The following IKBKE variants were observed in gnomAD, a reference collection of about 807,000 sequenced individuals.
The protein encoded by IKBKE is inhibitor of nuclear factor kappa B kinase subunit epsilon, also known as inhibitor of nuclear factor kappa-B kinase subunit epsilon.
IKBKE carries 45 observed loss-of-function variants against 92.1 expected under a neutral mutation model. That is an observed-to-expected ratio of 0.49 (90% CI 0.38 to 0.63). The LOEUF (loss-of-function observed/expected upper bound fraction) is 0.63, where lower values mean the gene tolerates loss of function less well. Among genes scored for constraint, IKBKE ranks in the 20% least tolerant of loss-of-function variants. The pLI is 0.00. For missense variants in IKBKE, 700 were observed against 932.8 expected, an observed-to-expected ratio of 0.75 and a Z score of 3.25; for synonymous variants, 374 against 380.3, an observed-to-expected ratio of 0.98 and a Z score of 0.19.
rs781854643 is a variant in IKBKE, at chr1:206,474,809, G to C, written c.229-56G>C. On this transcript the variant is annotated intron_variant, in intron 4 of 21. Transcript: ENST00000581977. ...GCTCCAGGCTGAGCCACTTCTTCCTGGTGGGTGGGGAGGAGAAGTGCCGTC... is the reference window on the plus strand; with the variant it reads ...GCTCCAGGCTGAGCCACTTCTTCCTCGTGGGTGGGGAGGAGAAGTGCCGTC... 32 of 1,593,260 alleles carry C rather than the reference G, an allele frequency of 2.0e-5. No homozygotes were observed. In the African/African-American group the frequency reaches 4.2e-4, roughly 21 times the overall value.
intron 13 of IKBKE, among the ~76,000 whole-genome samples, chr1:206,482,950 C>T (rs10863389): frequency 0.48 from 73,167 of 152,132 alleles, 19,739 homozygotes; most frequent in African/African-American, 0.72. Context: ...TCCTGGTGAC[C>T]CACCTCTCCC....
At position 206,491,732 on chromosome 1, in the gene IKBKE, A is replaced by T. The variant is rs1433462754; in HGVS notation, c.1818A>T (p.Thr606=). The part of the protein sequence containing the change: ...CVQKYQASLV[T]HGKRMRVVHE... ...AGAAGTATCAAGCGTCCTTAGTCAC[A>T]CACGGCAAGAGGATGAGGTAACAGC... Residue 606 remains threonine, a synonymous_variant, in exon 18 of 22, where the codon ACA becomes ACT. Coordinates refer to ENST00000581977, the MANE Select transcript of IKBKE (RefSeq NM_014002.4). 6.2e-7 allele frequency: 1 copy of T among 1,612,798 alleles called. No homozygotes were observed. The highest frequency in any genetic ancestry group is 8.5e-7 in the Non-Finnish European group (1 of 1,179,118).
rs1553383794 is a variant in IKBKE at position 206,471,256 on chromosome 1, T to C, written c.-33+11T>C. ...AGCTCAGAGTGTGGGGTAAGTGCAC[T>C]TGGCCACAGCAGAGCCCTGAGGAGG... On this transcript the variant is annotated intron_variant, in intron 2 of 21. Coordinates refer to ENST00000581977, the MANE Select transcript of IKBKE (RefSeq NM_014002.4). 6.6e-6 allele frequency: 1 copy of C among 152,304 alleles called. No homozygotes were observed. Among genetic ancestry groups the C allele is most frequent in the Non-Finnish European group, 1.5e-5 (1 of 68,140 alleles). The allele number at this position is 152,304 out of a possible 1,614,324, so 9.4% of individuals were successfully genotyped here. A position where few individuals can be genotyped will look rare whatever the true frequency, so the allele number is the denominator to read the frequency against.
Position 206,478,130 on chromosome 1 carries a change from C to A in IKBKE, c.813-30C>A, listed in dbSNP as rs782333336. ...AGGAGGATAGGTCTGGGCCCCCACCCCTGACAGTCTCCATGTCCTGGGAGG... is the reference window on the plus strand; with the variant it reads ...AGGAGGATAGGTCTGGGCCCCCACCACTGACAGTCTCCATGTCCTGGGAGG... On this transcript the variant is annotated intron_variant, in intron 8 of 21. Transcript: ENST00000581977. The surrounding 1 kb of genome is among the most constrained non-coding windows in gnomAD (Gnocchi z 4.8). The A allele has an allele frequency of 3.1e-6, 5 of 1,606,236 alleles. No homozygotes were observed. Among genetic ancestry groups the A allele is most frequent in the East Asian group, 4.5e-5 (2 of 44,848 alleles).
chr1:206,486,447 C>T (rs60315588), intron 15 of IKBKE, among the ~76,000 whole-genome samples: 1,633 of 136,998 alleles, frequency 0.012, 36 homozygotes, highest in African/African-American at 0.039. Flanking sequence ...ATGAAGGCTG[C>T]GGATCCCAGG....
At position 206,476,815 on chromosome 1, in the gene IKBKE, G is replaced by A. The variant is rs1665090029; in HGVS notation, c.678G>A (p.Gly226=). 4 of 1,614,236 alleles carry A rather than the reference G, an allele frequency of 2.5e-6. No homozygotes were observed. The highest frequency in any genetic ancestry group is 2.2e-5 in the East Asian group (1 of 44,874). Residue 226 remains glycine, a synonymous_variant, in exon 7 of 22, where the codon GGG becomes GGA. Coordinates refer to ENST00000581977, the MANE Select transcript of IKBKE (RefSeq NM_014002.4). The surrounding 1 kb of genome is among the most constrained non-coding windows in gnomAD (Gnocchi z 5.1). ...TGSLPFIPFG[G]PRRNKEIMYR... is the part of the protein sequence containing the mutation. ...GCCTGCCCTTCATCCCCTTTGGTGG[G>A]CCACGGCGGAACAAGGAGATCATGT...
intron 2 of IKBKE, chr1:206,472,717 T>G (rs1367157594): frequency 1.2e-4 from 22 of 178,556 alleles, no homozygotes; most frequent in South Asian, 3.3e-4. Flanking sequence ...GCTGGGGGAG[T>G]GGCTCTGGAC....
chr1:206,494,685 C>A lies in IKBKE; in HGVS notation c.2117+694C>A, dbSNP rs376593753. On this transcript the variant is annotated intron_variant, in intron 21 of 21. Coordinates refer to ENST00000581977, the MANE Select transcript of IKBKE (RefSeq NM_014002.4). ...GTGGTACTGTGTCGGCTCACTGCAA[C>A]CTCCATCTCCTGGGTTCAAGCAATT... Among the ~76,000 whole-genome samples, 3 of 138,682 alleles carry A rather than the reference C, an allele frequency of 2.2e-5. No individual in the cohort carries two copies. The South Asian group carries it at 6.8e-4, about 31-fold the overall frequency. 91.0% of individuals were successfully genotyped at this position (138,682 alleles called of 152,430 possible).
chr1:206,483,974 A>G (rs1423556680), intron 13 of IKBKE, among the ~76,000 whole-genome samples: 5 of 151,332 alleles, frequency 3.3e-5, no homozygotes, highest in African/African-American at 9.8e-5. Context: ...CTTTTTTTTC[A>G]AGGCAGGGTC....
chr1:206,471,258 G>T lies in IKBKE; in HGVS notation c.-33+13G>T, dbSNP rs561690622. 2 of 152,480 alleles carry T rather than the reference G, an allele frequency of 1.3e-5. No individual in the cohort carries two copies. Among genetic ancestry groups the T allele is most frequent in the Non-Finnish European group, 2.9e-5 (2 of 68,146 alleles). The allele number at this position is 152,480 out of a possible 1,614,324, so 9.4% of individuals were successfully genotyped here. A position where few individuals can be genotyped will look rare whatever the true frequency, so the allele number is the denominator to read the frequency against. Reference sequence around the variant, plus strand: ...CTCAGAGTGTGGGGTAAGTGCACTTGGCCACAGCAGAGCCCTGAGGAGGGA... The same window carrying T: ...CTCAGAGTGTGGGGTAAGTGCACTTTGCCACAGCAGAGCCCTGAGGAGGGA... On this transcript the variant is annotated intron_variant, in intron 2 of 21. Coordinates refer to ENST00000581977, the MANE Select transcript of IKBKE (RefSeq NM_014002.4).
At chr1:206,472,281 G>A (rs1664818144) in intron 2 of IKBKE, among the ~76,000 whole-genome samples, 1 of 152,066 alleles carries the variant, frequency 6.6e-6, no homozygotes, top group Admixed American at 6.6e-5. Context: ...GAAAAAGAAA[G>A]TATTTAAAGG....
Position 206,487,232 on chromosome 1 carries a change from A to G in IKBKE, c.1617-682A>G, listed in dbSNP as rs1665713198. Among the ~76,000 whole-genome samples the G allele has an allele frequency of 6.6e-6, 1 of 152,178 alleles. No homozygotes were observed. The highest frequency in any genetic ancestry group is 2.4e-5 in the African/African-American group (1 of 41,432). ...GTGGGTGAGGAAGAACTTTTCCCAG[A>G]CACTCCCGACTTCTCAAACAAAGTG... On this transcript the variant is annotated intron_variant, in intron 15 of 21. Coordinates refer to ENST00000581977, the MANE Select transcript of IKBKE (RefSeq NM_014002.4). This position sits in a 1 kb window ranked among gnomAD's most constrained non-coding sequence, Gnocchi z 5.3.
At position 206,480,533 on chromosome 1, in the gene IKBKE, G is replaced by C; in HGVS notation, c.1427G>C (p.Arg476Thr). 1 of 1,612,122 alleles carries C rather than the reference G, an allele frequency of 6.2e-7. No individual in the cohort carries two copies. The highest frequency in any genetic ancestry group is 8.5e-7 in the Non-Finnish European group (1 of 1,178,696). The change falls in exon 13 of 22, where the codon AGG (arginine) becomes ACG (threonine). Residue 476 changes from arginine to threonine, a missense_variant and splice_region_variant. Physicochemically the swap from Arg to Thr is moderately conservative, Grantham distance 71. Transcript: ENST00000581977. ...LYLSSSLGTE[R>T]FSSVAGTPEI... ...CTCAGCAGCAGCCTGGGAACTGAGAGGTGGGTGTTCGCCTCAGGCCAGCTG... is the reference window on the plus strand; with the variant it reads ...CTCAGCAGCAGCCTGGGAACTGAGACGTGGGTGTTCGCCTCAGGCCAGCTG...
chr1:206,494,602 T>C (rs1180640376), intron 21 of IKBKE, among the ~76,000 whole-genome samples: 9 of 124,090 alleles, frequency 7.3e-5, no homozygotes, highest in Non-Finnish European at 1.5e-4. Flanking sequence ...CTTTTTTTTT[T>C]TTTTTTTTTT....
At chr1:206,489,371 A>ATATATATATGTGTG (rs1665826242) in intron 16 of IKBKE, among the ~76,000 whole-genome samples, 16 of 32,210 alleles carry the variant, frequency 5.0e-4, no homozygotes, top group African/African-American at 1.5e-3. Context: ...GTGTGTGTGT[A>ATATATATATGTGTG]TATATATATA....
intron 21 of IKBKE, among the ~76,000 whole-genome samples, chr1:206,494,931 C>T (rs1666148641): frequency 7.0e-6 from 1 of 143,346 alleles, no homozygotes; most frequent in Admixed American, 7.2e-5. Context: ...TAAAAGAAAA[C>T]TCGAGAACAA....
At chr1:206,489,773 C>T in intron 16 of IKBKE, among the ~76,000 whole-genome samples, 1 of 152,068 alleles carries the variant, frequency 6.6e-6, no homozygotes, top group East Asian at 1.9e-4. Context: ...ATGAGAAAAC[C>T]AAGACACAGA....
chr1:206,484,639 A>C (rs1174313364), intron 13 of IKBKE, among the ~76,000 whole-genome samples: 1 of 152,218 alleles, frequency 6.6e-6, no homozygotes, highest in African/African-American at 2.4e-5. Context: ...GTTATCAAGA[A>C]ATACAGTTTC....
chr1:206,480,290 G>A (rs1293134577), intron 12 of IKBKE, among the ~76,000 whole-genome samples, 157 bp from the exon 13 acceptor site: 1 of 138,580 alleles, frequency 7.2e-6, no homozygotes, highest in African/African-American at 2.7e-5. Context: ...CGGGCTGGAG[G>A]GGGAGGCGGG....
Sources: gnomAD v4.1 joint callset for allele counts (sites outside exome capture counted in the v4.1 genomes callset) on GRCh38, gnomAD v4.1.1 for gene constraint, Gnocchi (gnomAD v3.1) non-coding constraint, MANE v1.5 for transcripts, NCBI Gene and HGNC (gene_info 2026-07-23, HGNC 2026-07-21) for gene names.